Variants in ZNF577 observed in about 807,000 individuals in gnomAD.
The protein encoded by ZNF577 is zinc finger protein 577.
ZNF577 carries 14 observed loss-of-function variants against 13.9 expected under a neutral mutation model. That is an observed-to-expected ratio of 1.00 (90% CI 0.66 to 1.57). ZNF577 has a LOEUF of 1.57. Among genes scored for constraint, ZNF577 ranks in the 40% most tolerant of loss-of-function variants. The pLI is 0.00. For missense variants in ZNF577, 555 were observed against 579.2 expected, an observed-to-expected ratio of 0.96 and a Z score of 0.43; for synonymous variants, 203 against 202.9, an observed-to-expected ratio of 1.00 and a Z score of 0.00.
At chr19:51,876,481 C>T (rs2084765449) in intron 5 of ZNF577, among the ~76,000 whole-genome samples, 2 of 150,932 alleles carry the variant, frequency 1.3e-5, no homozygotes, top group Admixed American at 6.6e-5. Flanking sequence ...GCTGGAAAGG[C>T]GGGGAGCAGT....
At chr19:51,881,902 C>T (rs1411897304) in intron 1 of ZNF577, among the ~76,000 whole-genome samples, 1 of 152,236 alleles carries the variant, frequency 6.6e-6, no homozygotes, top group South Asian at 2.1e-4. Context: ...GTGAGAACAA[C>T]TTGAATTTTG....
chr19:51,873,558 C>CTG lies in ZNF577; in HGVS notation c.430_431dup (p.Gln144HisfsTer54), dbSNP rs1182035687. 7 of 1,614,048 alleles carry CTG rather than the reference C, an allele frequency of 4.3e-6. No individual in the cohort carries two copies. The highest frequency in any genetic ancestry group is 5.1e-6 in the Non-Finnish European group (6 of 1,180,044). ...CACAAATTTTTTGTAGGTCATTGAG[C>CTG]TGTGATTTAGGGCTGCTGGGTTTAA... is the stretch of plus-strand genomic sequence containing the variant. On this transcript the variant is annotated frameshift_variant, in exon 6 of 6. Transcript: ENST00000638348. LOFTEE classifies it low-confidence loss of function (END_TRUNC).
intron 5 of ZNF577, among the ~76,000 whole-genome samples, chr19:51,851,824 G>A (rs1350057591): frequency 6.6e-6 from 1 of 152,162 alleles, no homozygotes; most frequent in Non-Finnish European, 1.5e-5. Flanking sequence ...CCTTACGTCT[G>A]TCATTCCTTT....
At chr19:51,831,624 T>TC (rs1482877535) in intron 9 of ZNF577, among the ~76,000 whole-genome samples, 1 of 152,090 alleles carries the variant, frequency 6.6e-6, no homozygotes, top group African/African-American at 2.4e-5. Context: ...GTTTTTTTTT[T>TC]CTAATATAAA....
intron 5 of ZNF577, among the ~76,000 whole-genome samples, chr19:51,848,380 G>A (rs562529229): frequency 1.3e-5 from 2 of 152,324 alleles, no homozygotes; most frequent in East Asian, 1.9e-4. Flanking sequence ...CGCGGAAGAC[G>A]CTGGGAATAT....
intron 1 of ZNF577, among the ~76,000 whole-genome samples, chr19:51,885,489 T>A (rs952398039): frequency 6.6e-6 from 1 of 152,198 alleles, no homozygotes; most frequent in Non-Finnish European, 1.5e-5. Context: ...CATTCCTCTA[T>A]ACTTAACACA....
intron 5 of ZNF577, among the ~76,000 whole-genome samples, chr19:51,875,897 A>C (rs1460877335): frequency 6.6e-6 from 1 of 152,234 alleles, no homozygotes; most frequent in Non-Finnish European, 1.5e-5. Flanking sequence ...TGTTCAAAAC[A>C]ATAAAAATTA....
Position 51,872,756 on chromosome 19 carries a change from T to G in ZNF577, c.1234A>C (p.Thr412Pro), listed in dbSNP as rs143166170. 4.4e-5 allele frequency: 71 copies of G among 1,614,098 alleles called. No homozygotes were observed. Among genetic ancestry groups the G allele is most frequent in the South Asian group, 1.4e-4 (13 of 91,082 alleles). ...GAGGAAGGCATTTCTATAGGTACTG[T>G]GTTCACAGTCTTTTGCTCTTGTATG... ...ELIQEQKTVN[T>P]VPIEMPSSGT... The change falls in exon 6 of 6, where the codon ACA (threonine) becomes CCA (proline). Residue 412 changes from threonine to proline, a missense_variant. Coordinates refer to ENST00000638348, the MANE Select transcript of ZNF577 (RefSeq NM_001370449.1).
At chr19:51,817,407 G>A (rs934593070) in intron 9 of ZNF577, among the ~76,000 whole-genome samples, 31 of 151,948 alleles carry the variant, frequency 2.0e-4, no homozygotes, top group African/African-American at 6.0e-4. Context: ...GAGAGAGAGA[G>A]AAAATAGCCA....
chr19:51,886,245 CAA>C (rs755791877), intron 1 of ZNF577: 13 of 151,732 alleles, frequency 8.6e-5, no homozygotes, highest in African/African-American at 1.2e-4. Flanking sequence ...AATGTATAGG[CAA>C]AAAAATTTTT....
chr19:51,877,156 T>C (rs2084778150), intron 5 of ZNF577, 126 bp downstream of exon 5: 5 of 693,706 alleles, frequency 7.2e-6, no homozygotes, highest in South Asian at 5.6e-5. Flanking sequence ...GAAAGGCTGA[T>C]TAGGTTTCTG....
chr19:51,878,544 G>A, intron 3 of ZNF577, 29 bp from the exon 4 acceptor site: 1 of 1,612,478 alleles, frequency 6.2e-7, no homozygotes, highest in African/African-American at 1.3e-5. Context: ...TGCAATCTGA[G>A]GTGGATAACA....
intron 9 of ZNF577, among the ~76,000 whole-genome samples, chr19:51,819,666 G>A (rs2084173243): frequency 6.6e-6 from 1 of 152,054 alleles, no homozygotes; most frequent in Non-Finnish European, 1.5e-5. Flanking sequence ...AATATAGAAT[G>A]GATTCAGCAG....
rs1287548822 is a variant in ZNF577, at chr19:51,869,202, TC to T, written c.*3329del. On this transcript the variant is annotated 3_prime_UTR_variant, in exon 6 of 6. Coordinates refer to ENST00000638348, the MANE Select transcript of ZNF577 (RefSeq NM_001370449.1). ...AGTTGAGATAAGAGGAAGGCATCTG[TC>T]TCTTGCTCGTCCCTGGGAATGGAAT... Among the ~76,000 whole-genome samples the T allele has an allele frequency of 1.3e-5, 2 of 152,158 alleles. No individual in the cohort carries two copies. Among genetic ancestry groups the T allele is most frequent in the African/African-American group, 2.4e-5 (1 of 41,434 alleles).
Position 51,871,837 on chromosome 19 carries a change from A to AGAG in ZNF577, c.*692_*694dup, listed in dbSNP as rs1396892790. 6.6e-6 allele frequency: 1 copy of AGAG among 152,168 alleles called. No homozygotes were observed. Among genetic ancestry groups the AGAG allele is most frequent in the Non-Finnish European group, 1.5e-5 (1 of 68,038 alleles). The allele number at this position is 152,168 out of a possible 1,614,324, so 9.4% of individuals were successfully genotyped here. On this transcript the variant is annotated 3_prime_UTR_variant, in exon 6 of 6. Transcript: ENST00000638348. The stretch of plus-strand genomic sequence containing the variant: ...GAAGGGCAAAGAAAGACGCTCCCCT[A>AGAG]GAGCCTCCAAAAAGAAAAGCAGCCC...
intron 4 of ZNF577, 94 bp downstream of exon 4, chr19:51,878,295 T>C (rs1376743222): frequency 7.5e-7 from 1 of 1,336,502 alleles, no homozygotes; most frequent in African/African-American, 1.5e-5. Flanking sequence ...CTATAACATA[T>C]AATACTTTAG....
chr19:51,877,506 A>G (rs982231346), intron 4 of ZNF577, 129 bp from the exon 5 acceptor site: 9 of 709,678 alleles, frequency 1.3e-5, no homozygotes, highest in South Asian at 7.2e-5. Flanking sequence ...TCAGGAAAAG[A>G]GCACAACCAC....
intron 3 of ZNF577, among the ~76,000 whole-genome samples, chr19:51,879,286 A>G (rs1036237814): frequency 1.0e-4 from 15 of 149,866 alleles, no homozygotes; most frequent in African/African-American, 3.7e-4. Context: ...AAGTAATAAT[A>G]TGGCTGGGCA....
chr19:51,879,690 T>G (rs1359439635), intron 3 of ZNF577, among the ~76,000 whole-genome samples: 2 of 152,102 alleles, frequency 1.3e-5, no homozygotes, highest in Non-Finnish European at 2.9e-5. Flanking sequence ...AGGGAGGAAC[T>G]AGATAGAGAC....
Sources: allele counts gnomAD v4.1 joint callset (sites outside exome capture counted in the v4.1 genomes callset), GRCh38; gene constraint gnomAD v4.1.1; transcripts MANE v1.5; gene names NCBI Gene and HGNC (gene_info 2026-07-23, HGNC 2026-07-21).